The following TRIQK variants were observed in gnomAD, a reference collection of about 807,000 sequenced individuals.
TRIQK encodes the protein triple QxxK/R motif containing.
Under a neutral mutation model 10.8 loss-of-function variants are expected in TRIQK, and 10 were observed. The observed-to-expected ratio is 0.92, with a 90% CI of 0.57 to 1.57. The LOEUF is 1.57. TRIQK is among the 40% of genes most tolerant of loss of function. TRIQK has a pLI of 0.00. For missense variants in TRIQK, 107 were observed against 97.7 expected (o/e 1.09, Z -0.40); for synonymous variants, 33 against 33.7 (o/e 0.98, Z 0.07).
chr8:92,920,122 A>G (rs1177315238), intron 2 of TRIQK, among the ~76,000 whole-genome samples: 1 of 151,656 alleles, frequency 6.6e-6, no homozygotes, highest in Non-Finnish European at 1.5e-5. Flanking sequence ...CACAATTAAA[A>G]TTTATTTCTG....
At chr8:93,006,481 C>T (rs1813273819) in intron 1 of TRIQK, among the ~76,000 whole-genome samples, 1 of 152,192 alleles carries the variant, frequency 6.6e-6, no homozygotes, top group African/African-American at 2.4e-5. Context: ...GCCACCAAGG[C>T]CTTGGGTCCC....
chr8:92,920,703 A>T (rs1341329924), intron 2 of TRIQK, among the ~76,000 whole-genome samples: 1 of 151,818 alleles, frequency 6.6e-6, no homozygotes, highest in Non-Finnish European at 1.5e-5. Flanking sequence ...GGTCTAGGAA[A>T]GAAATTGCAC....
chr8:92,994,204 T>C (rs2130752043), intron 1 of TRIQK, among the ~76,000 whole-genome samples: 2 of 152,292 alleles, frequency 1.3e-5, no homozygotes, highest in Middle Eastern at 3.4e-3. Context: ...AGGTTTAAAG[T>C]TTTCATAAAT....
At chr8:92,960,456 C>T (rs1812402385) in intron 1 of TRIQK, 1 of 152,060 alleles carries the variant, frequency 6.6e-6, no homozygotes, top group Non-Finnish European at 1.5e-5. Context: ...TCCCCCAATC[C>T]AAAAATGTTC....
At chr8:92,898,833 G>GTGTGTA (rs1256723943) in intron 3 of TRIQK, among the ~76,000 whole-genome samples, 2 of 73,902 alleles carry the variant, frequency 2.7e-5, no homozygotes, top group African/African-American at 1.1e-4. Flanking sequence ...GTGTGTGTGT[G>GTGTGTA]TATATATATA....
chr8:93,008,569 T>G (rs1813297234), intron 1 of TRIQK, among the ~76,000 whole-genome samples: 1 of 152,092 alleles, frequency 6.6e-6, no homozygotes, highest in African/African-American at 2.4e-5. Context: ...GTAGAAGCAT[T>G]ATACAACCTG....
intron 3 of TRIQK, among the ~76,000 whole-genome samples, chr8:92,910,662 CA>C (rs1197391199): frequency 6.6e-6 from 1 of 150,416 alleles, no homozygotes; most frequent in Non-Finnish European, 1.5e-5. Context: ...AACAAAATAA[CA>C]AAAAGTATTT....
At chr8:93,002,389 G>A (rs1031615785) in intron 1 of TRIQK, among the ~76,000 whole-genome samples, 6 of 151,938 alleles carry the variant, frequency 3.9e-5, no homozygotes, top group African/African-American at 1.2e-4. Flanking sequence ...AAAGAAAGAA[G>A]ACTCAAATAA....
In TRIQK at chr8:92,887,028, T is replaced by C. The variant is rs574065229; in HGVS notation, c.148-293A>G. 124 of 187,000 alleles carry C rather than the reference T, an allele frequency of 6.6e-4. 1 individual carries two copies. Among genetic ancestry groups the C allele is most frequent in the East Asian group, 1.6e-3 (11 of 6,886 alleles). 11.6% of individuals were successfully genotyped at this position (187,000 alleles called of 1,614,324 possible). A position where few individuals can be genotyped will look rare whatever the true frequency, so the allele number is the denominator to read the frequency against. ...AATGTATCATTTTAATATATTTTTATAGTTTGGATATCAGGATGTTCGATA... is the reference window on the plus strand; with the variant it reads ...AATGTATCATTTTAATATATTTTTACAGTTTGGATATCAGGATGTTCGATA... On this transcript the variant is annotated intron_variant, in intron 4 of 4. Coordinates refer to ENST00000521988, the MANE Select transcript of TRIQK (RefSeq NM_001171797.2).
intron 2 of TRIQK, among the ~76,000 whole-genome samples, chr8:92,945,718 A>G (rs1811495043): frequency 6.6e-6 from 1 of 152,214 alleles, no homozygotes; most frequent in South Asian, 2.1e-4. Flanking sequence ...ATGTGCAGGC[A>G]TGGATATTCA....
chr8:92,940,978 T>C (rs901663466), intron 2 of TRIQK: 2 of 152,178 alleles, frequency 1.3e-5, no homozygotes, highest in African/African-American at 2.4e-5. Flanking sequence ...AGAAGAACTT[T>C]AGAAACTTTA....
chr8:92,930,305 G>A (rs762514423), intron 2 of TRIQK, among the ~76,000 whole-genome samples: 1 of 144,428 alleles, frequency 6.9e-6, no homozygotes, highest in South Asian at 2.2e-4. Flanking sequence ...CAGGAGAATC[G>A]CTTGAACCCG....
chr8:92,962,170 G>A (rs950929421), intron 1 of TRIQK, among the ~76,000 whole-genome samples: 1 of 152,012 alleles, frequency 6.6e-6, no homozygotes, highest in Non-Finnish European at 1.5e-5. Flanking sequence ...CTGTTTAATA[G>A]GAAATTTGAG....
chr8:92,937,463 G>A (rs1811049131), intron 2 of TRIQK, among the ~76,000 whole-genome samples: 1 of 151,570 alleles, frequency 6.6e-6, no homozygotes, highest in Admixed American at 6.6e-5. Context: ...TTGAAAACAT[G>A]TGTTTTAAAT....
Position 92,885,048 on chromosome 8 carries a change from G to T in TRIQK, c.*1574C>A, listed in dbSNP as rs1172358392. ...TGTGGTGAGTATATAAGAACTCTTG[G>T]TCTGTCTCTTGAGTCTGTGAGTTCA... On this transcript the variant is annotated 3_prime_UTR_variant, in exon 5 of 5. Coordinates refer to ENST00000521988, the MANE Select transcript of TRIQK (RefSeq NM_001171797.2). 2.2e-6 allele frequency: 1 copy of T among 454,664 alleles called. No homozygotes were observed. The highest frequency in any genetic ancestry group is 4.4e-6 in the Non-Finnish European group (1 of 225,508). 28.2% of individuals were successfully genotyped at this position (454,664 alleles called of 1,614,324 possible). A position where few individuals can be genotyped will look rare whatever the true frequency, so the allele number is the denominator to read the frequency against.
At chr8:92,887,101 G>C (rs930650372) in intron 4 of TRIQK, among the ~76,000 whole-genome samples, 4 of 151,350 alleles carry the variant, frequency 2.6e-5, no homozygotes, top group African/African-American at 9.7e-5. Flanking sequence ...TTCTATTTGA[G>C]TGTGTTTAAC....
At chr8:92,987,884 A>T (rs1473538996) in intron 1 of TRIQK, among the ~76,000 whole-genome samples, 2 of 152,058 alleles carry the variant, frequency 1.3e-5, no homozygotes, top group South Asian at 2.1e-4. Flanking sequence ...ATGAAGAGAT[A>T]GAAATACGCA....
intron 3 of TRIQK, among the ~76,000 whole-genome samples, chr8:92,900,392 A>G (rs1808865643): frequency 6.6e-6 from 1 of 152,084 alleles, no homozygotes; most frequent in South Asian, 2.1e-4. Flanking sequence ...GTTTAAGTCT[A>G]ATGCATTTTG....
At chr8:92,907,161 TTCTC>T (rs1809318093) in intron 3 of TRIQK, among the ~76,000 whole-genome samples, 2 of 152,310 alleles carry the variant, frequency 1.3e-5, no homozygotes, top group South Asian at 4.1e-4. Flanking sequence ...CTGAAGGACT[TTCTC>T]TTTCTACCAT....
Sources: gnomAD v4.1 joint callset for allele counts (sites outside exome capture counted in the v4.1 genomes callset) on GRCh38, gnomAD v4.1.1 for gene constraint, MANE v1.5 for transcripts, NCBI Gene and HGNC (gene_info 2026-07-23, HGNC 2026-07-21) for gene names.